Variants in TRAK2 observed in about 807,000 individuals in gnomAD.
The protein encoded by TRAK2 is trafficking kinesin protein 2.
In TRAK2, 81 loss-of-function variants were observed where a neutral mutation model predicts 104.6. That is an observed-to-expected ratio of 0.77 (90% CI 0.65 to 0.93). TRAK2 has a LOEUF of 0.93. Among genes scored for constraint, TRAK2 ranks in the 40% least tolerant of loss-of-function variants. TRAK2 has a pLI of 0.00. For missense variants in TRAK2, 1,002 were observed against 1,089.0 expected, an observed-to-expected ratio of 0.92 and a Z score of 1.12; for synonymous variants, 406 against 394.4, an observed-to-expected ratio of 1.03 and a Z score of -0.35.
Position 201,377,584 on chromosome 2 carries a change from C to G in TRAK2, c.*2959G>C, listed in dbSNP as rs7616. Reference sequence around the variant, plus strand: ...CTTTGAGTACTGTGTAAAATTATACCCTTTATAGGGAATAGGCTCTTGTAA... The same window carrying G: ...CTTTGAGTACTGTGTAAAATTATACGCTTTATAGGGAATAGGCTCTTGTAA... On this transcript the variant is annotated 3_prime_UTR_variant, in exon 16 of 16. Coordinates refer to ENST00000332624, the MANE Select transcript of TRAK2 (RefSeq NM_015049.3). 10,412 of 152,572 alleles carry G rather than the reference C, an allele frequency of 0.068. 416 individuals are homozygous for G. Among genetic ancestry groups the G allele is most frequent in the African/African-American group, 0.1 (4,197 of 41,512 alleles). The allele number at this position is 152,572 out of a possible 1,614,324, so 9.5% of individuals were successfully genotyped here. A position where few individuals can be genotyped will look rare whatever the true frequency, so the allele number is the denominator to read the frequency against.
At chr2:201,413,301 G>A (rs1179175024) in intron 2 of TRAK2, 9 of 1,251,862 alleles carry the variant, frequency 7.2e-6, no homozygotes, top group Non-Finnish European at 9.2e-6. Context: ...ATTAAACATG[G>A]ACTCCATGGC....
chr2:201,435,851 G>A (rs1435209499), intron 1 of TRAK2, among the ~76,000 whole-genome samples: 1 of 152,068 alleles, frequency 6.6e-6, no homozygotes, highest in Non-Finnish European at 1.5e-5. Flanking sequence ...AAGAGAGAGA[G>A]GTCTCATGGT....
At chr2:201,407,725 C>T in intron 2 of TRAK2, 128 bp from the exon 3 acceptor site, 1 of 771,062 alleles carries the variant, frequency 1.3e-6, no homozygotes, top group Non-Finnish European at 1.9e-6. Context: ...GATCATTTCT[C>T]CACTGATTTT....
chr2:201,417,241 C>CAAAAAAAAAAAAAAAAAAAAATAA (rs61702415), intron 2 of TRAK2, among the ~76,000 whole-genome samples: 1 of 88,432 alleles, frequency 1.1e-5, no homozygotes, highest in Non-Finnish European at 2.2e-5. Flanking sequence ...GAAGACATTG[C>CAAAAAAAAAAAAAAAAAAAAATAA]AAAAAAAAAA....
At position 201,394,176 on chromosome 2, in the gene TRAK2, G is replaced by T. The variant is rs190165444; in HGVS notation, c.975+622C>A. 2.6e-5 allele frequency among the ~76,000 whole-genome samples: 4 copies of T among 152,172 alleles called. No individual in the cohort carries two copies. The East Asian group carries it at 7.7e-4, about 29-fold the overall frequency. ...ACACCTGCACAAAGATTTACTACTA[G>T]AACTTATCTTATTTTAAAAACTGTT... On this transcript the variant is annotated intron_variant, in intron 9 of 15. Transcript: ENST00000332624.
chr2:201,450,339 C>T (rs1442051151), intron 1 of TRAK2, among the ~76,000 whole-genome samples: 3 of 151,780 alleles, frequency 2.0e-5, no homozygotes, highest in South Asian at 2.1e-4. Flanking sequence ...CGCTTGAATC[C>T]GGGAGGCGGA....
intron 1 of TRAK2, among the ~76,000 whole-genome samples, chr2:201,429,885 G>C (rs935045901): frequency 6.6e-6 from 1 of 152,200 alleles, no homozygotes; most frequent in African/African-American, 2.4e-5. Context: ...TTGTTCTGTT[G>C]CTGGCGAGGA....
intron 1 of TRAK2, among the ~76,000 whole-genome samples, chr2:201,446,628 A>G (rs1951966127): frequency 6.6e-6 from 1 of 152,272 alleles, no homozygotes; most frequent in African/African-American, 2.4e-5. Context: ...CTCTAAAGAC[A>G]GACTGAGTTT....
rs1462298959 is a variant in TRAK2 at position 201,380,940 on chromosome 2, T to C, written c.2348A>G (p.His783Arg). 2 of 1,613,334 alleles carry C rather than the reference T, an allele frequency of 1.2e-6. No individual in the cohort carries two copies. The highest frequency in any genetic ancestry group is 2.2e-5 in the South Asian group (2 of 91,034). Reference protein sequence around the residue: ...IPSTPPNSPSHSPCPSPLPFE... With the variant: ...IPSTPPNSPSRSPCPSPLPFE... ...GGGTAAAGGAGAAGGGCAAGGTGAG[T>C]GAGATGGTGAATTTGGTGGTGTGGA... Residue 783 changes from histidine to arginine, a missense_variant, in exon 16 of 16, where the codon CAC (histidine) becomes CGC (arginine). Physicochemically the swap from His to Arg is conservative, Grantham distance 29. Coordinates refer to ENST00000332624, the MANE Select transcript of TRAK2 (RefSeq NM_015049.3).
chr2:201,410,825 T>C (rs1951639536), intron 2 of TRAK2: 1 of 1,606,662 alleles, frequency 6.2e-7, no homozygotes, highest in South Asian at 1.1e-5. Flanking sequence ...AGGGCAGACA[T>C]ATCTGTGGGT....
intron 13 of TRAK2, among the ~76,000 whole-genome samples, chr2:201,387,126 C>A (rs530262538): frequency 6.6e-6 from 1 of 152,304 alleles, no homozygotes; most frequent in Admixed American, 6.5e-5. Context: ...AAGTTACACA[C>A]TCAAAATTTC....
intron 1 of TRAK2, among the ~76,000 whole-genome samples, chr2:201,422,941 C>A (rs1423466947): frequency 6.6e-6 from 1 of 151,828 alleles, no homozygotes; most frequent in African/African-American, 2.4e-5. Context: ...AATGATAAAA[C>A]ATTTTACTAA....
chr2:201,391,912 G>A (rs1216726257), intron 10 of TRAK2, among the ~76,000 whole-genome samples: 1 of 152,176 alleles, frequency 6.6e-6, no homozygotes, highest in African/African-American at 2.4e-5. Flanking sequence ...TGTATCCTTT[G>A]AAGGACATTA....
chr2:201,381,300 T>C (rs747524499), intron 15 of TRAK2, 82 bp from the exon 16 acceptor site: 292 of 1,253,278 alleles, frequency 2.3e-4, no homozygotes, highest in Non-Finnish European at 3.0e-4. Flanking sequence ...GAAATTATAG[T>C]AGTTATCCTT....
intron 1 of TRAK2, among the ~76,000 whole-genome samples, chr2:201,422,420 C>T (rs1951750491): frequency 6.6e-6 from 1 of 152,172 alleles, no homozygotes; most frequent in Admixed American, 6.5e-5. Context: ...TCAAGACAGT[C>T]TCTGCTTGGC....
intron 1 of TRAK2, among the ~76,000 whole-genome samples, chr2:201,425,732 T>C (rs1951782382): frequency 6.7e-6 from 1 of 149,484 alleles, no homozygotes; most frequent in Non-Finnish European, 1.5e-5. Context: ...TTTTAAATAA[T>C]GTTATATACT....
rs1951407542 is a variant in TRAK2, at chr2:201,387,947, T to C, written c.1452A>G (p.Thr484=). Reference sequence around the variant, plus strand: ...GACGCAAGCTAAGGCGATGCAGTGCTGTAGCCAAATCACTATCTCCTGAGG... The same window carrying C: ...GACGCAAGCTAAGGCGATGCAGTGCCGTAGCCAAATCACTATCTCCTGAGG... The part of the protein sequence containing the change: ...PGPSGDSDLA[T]ALHRLSLRRQ... Residue 484 remains threonine (T), a synonymous_variant, in exon 13 of 16, where the codon ACA becomes ACG. Coordinates refer to ENST00000332624, the MANE Select transcript of TRAK2 (RefSeq NM_015049.3). 6.2e-7 allele frequency: 1 copy of C among 1,614,184 alleles called. No individual in the cohort carries two copies. Among genetic ancestry groups the C allele is most frequent in the Non-Finnish European group, 8.5e-7 (1 of 1,180,014 alleles).
At chr2:201,430,834 T>C (rs1016669006) in intron 1 of TRAK2, among the ~76,000 whole-genome samples, 1 of 152,218 alleles carries the variant, frequency 6.6e-6, no homozygotes, top group African/African-American at 2.4e-5. Context: ...GCACCCACTG[T>C]CCAACAAGCC....
At chr2:201,422,019 C>T (rs1951745410) in intron 1 of TRAK2, among the ~76,000 whole-genome samples, 1 of 146,140 alleles carries the variant, frequency 6.8e-6, no homozygotes, top group Non-Finnish European at 1.5e-5. Context: ...AACTGTACTC[C>T]AGCCTGGGTG....
Sources: allele counts gnomAD v4.1 joint callset (sites outside exome capture counted in the v4.1 genomes callset), GRCh38; gene constraint gnomAD v4.1.1; transcripts MANE v1.5; gene names NCBI Gene and HGNC (gene_info 2026-07-23, HGNC 2026-07-21).